Variants in MAGI3 observed in about 807,000 individuals in gnomAD.
The protein encoded by MAGI3 is membrane-associated guanylate kinase, WW and PDZ domain-containing protein 3.
MAGI3 carries 43 observed loss-of-function variants against 121.8 expected under a neutral mutation model. The observed-to-expected ratio is 0.35, with a 90% confidence interval of 0.28 to 0.46. The LOEUF (loss-of-function observed/expected upper bound fraction) is 0.46, where lower values mean the gene tolerates loss of function less well. Among genes scored for constraint, MAGI3 ranks in the 20% least tolerant of loss-of-function variants. The pLI, the probability that MAGI3 is intolerant of heterozygous loss-of-function variation, is 1.00. For missense variants in MAGI3, 1,547 were observed against 1,797.3 expected (o/e 0.86, Z 2.52); for synonymous variants, 553 against 639.3 (o/e 0.86, Z 2.04).
At chr1:113,452,698 T>C (rs939695585) in intron 1 of MAGI3, among the ~76,000 whole-genome samples, 7 of 152,164 alleles carry the variant, frequency 4.6e-5, no homozygotes, top group Non-Finnish European at 1.0e-4. Context: ...TACTTTTTTC[T>C]CTGTTGACCT....
At chr1:113,483,632 A>G (rs1327889263) in intron 1 of MAGI3, among the ~76,000 whole-genome samples, 1 of 152,146 alleles carries the variant, frequency 6.6e-6, no homozygotes, top group Admixed American at 6.5e-5. Context: ...AGATGTTTAA[A>G]TTTTATTGTG....
intron 1 of MAGI3, among the ~76,000 whole-genome samples, chr1:113,542,462 C>T (rs1026154633): frequency 4.6e-5 from 7 of 152,164 alleles, no homozygotes; most frequent in Non-Finnish European, 1.0e-4. Context: ...TAACTGAAAC[C>T]GTGGAAGACA....
intron 7 of MAGI3, among the ~76,000 whole-genome samples, chr1:113,615,094 T>C (rs1331243281): frequency 6.6e-6 from 1 of 152,188 alleles, no homozygotes; most frequent in Non-Finnish European, 1.5e-5. Context: ...AAAGGTGTGC[T>C]CTCTTTTAAG....
At chr1:113,510,354 A>AG (rs1466961713) in intron 1 of MAGI3, among the ~76,000 whole-genome samples, 1 of 85,974 alleles carries the variant, frequency 1.2e-5, no homozygotes, top group Non-Finnish European at 2.3e-5. Context: ...CTAGGCCTTG[A>AG]CTTTTTTTTT....
chr1:113,572,694 G>T (rs915250473), intron 2 of MAGI3, among the ~76,000 whole-genome samples: 6 of 152,142 alleles, frequency 3.9e-5, no homozygotes, highest in African/African-American at 1.4e-4. Context: ...GGCATTTATG[G>T]TATTCTCTGA....
chr1:113,620,636 C>G (rs1650763251), intron 8 of MAGI3, among the ~76,000 whole-genome samples: 1 of 152,186 alleles, frequency 6.6e-6, no homozygotes. Context: ...ATCCCCAGTG[C>G]TTTGCTAGGC....
At chr1:113,550,501 A>G (rs962699772) in intron 2 of MAGI3, among the ~76,000 whole-genome samples, 1 of 151,938 alleles carries the variant, frequency 6.6e-6, no homozygotes, top group Non-Finnish European at 1.5e-5. Flanking sequence ...AGATTATATA[A>G]TCCCAGCACT....
At chr1:113,599,504 T>C (rs1649233875) in intron 6 of MAGI3, among the ~76,000 whole-genome samples, 1 of 152,008 alleles carries the variant, frequency 6.6e-6, no homozygotes, top group Non-Finnish European at 1.5e-5. Context: ...ACATACACCC[T>C]CCCAAGACTA....
chr1:113,648,475 G>A (rs1043181134), intron 12 of MAGI3, among the ~76,000 whole-genome samples: 3 of 148,310 alleles, frequency 2.0e-5, no homozygotes, highest in African/African-American at 7.5e-5. Flanking sequence ...GCAGTGGCAC[G>A]ATCTCAGTTC....
chr1:113,549,663 C>A, intron 2 of MAGI3, 32 bp downstream of exon 2: 4 of 1,198,526 alleles, frequency 3.3e-6, no homozygotes, highest in Non-Finnish European at 4.8e-6. Flanking sequence ...AGAACTGAAG[C>A]AGAAATGTCC....
intron 1 of MAGI3, among the ~76,000 whole-genome samples, chr1:113,457,265 T>G (rs1311429205): frequency 1.3e-5 from 2 of 152,212 alleles, no homozygotes; most frequent in Non-Finnish European, 2.9e-5. Context: ...TGGCAGGTTT[T>G]CATTTGCTTG....
At chr1:113,495,285 T>C (rs1044921129) in intron 1 of MAGI3, among the ~76,000 whole-genome samples, 2 of 152,104 alleles carry the variant, frequency 1.3e-5, no homozygotes, top group Non-Finnish European at 2.9e-5. Context: ...TATACTGTTA[T>C]ATAATTCAGG....
At position 113,659,241 on chromosome 1, in the gene MAGI3, A is replaced by G. The variant is rs761050246; in HGVS notation, c.2791A>G (p.Thr931Ala). The stretch of plus-strand genomic sequence containing the variant: ...GATCAAAGATGCTGGTGTCACCGTC[A>G]CACTAACGGTCATTGCTGAAGAAGG... Reference protein sequence around the residue: ...QLIKDAGVTVTLTVIAEEEHH... With the variant: ...QLIKDAGVTVALTVIAEEEHH... The change falls in exon 16 of 21, where the codon ACA becomes GCA. Residue 931 changes from threonine (T) to alanine (A), a missense_variant. Coordinates refer to ENST00000307546, the MANE Select transcript of MAGI3 (RefSeq NM_001142782.2). The G allele has an allele frequency of 5.0e-6, 8 of 1,613,840 alleles. No individual in the cohort carries two copies. Among genetic ancestry groups the G allele is most frequent in the Non-Finnish European group, 6.8e-6 (8 of 1,179,912 alleles).
intron 6 of MAGI3, among the ~76,000 whole-genome samples, chr1:113,610,889 A>T (rs1650088403): frequency 6.6e-6 from 1 of 151,854 alleles, no homozygotes; most frequent in Admixed American, 6.6e-5. Flanking sequence ...AGCTGAGATC[A>T]TGCCATTGCA....
intron 1 of MAGI3, among the ~76,000 whole-genome samples, chr1:113,428,960 A>G (rs150183223): frequency 1.3e-3 from 199 of 152,338 alleles, no homozygotes; most frequent in Admixed American, 2.7e-3. Context: ...TACACTAGCT[A>G]CATTTTAGGT....
chr1:113,392,423 G>A (rs1233537667), intron 1 of MAGI3, among the ~76,000 whole-genome samples: 1 of 152,198 alleles, frequency 6.6e-6, no homozygotes, highest in Non-Finnish European at 1.5e-5. Context: ...ATGGCAAAAT[G>A]CTAGAAAATT....
At chr1:113,448,849 G>A (rs1354946227) in intron 1 of MAGI3, among the ~76,000 whole-genome samples, 1 of 152,186 alleles carries the variant, frequency 6.6e-6, no homozygotes, top group Non-Finnish European at 1.5e-5. Context: ...GCCGGGCACA[G>A]TGGATCACGC....
At chr1:113,475,966 G>C (rs1655797529) in intron 1 of MAGI3, among the ~76,000 whole-genome samples, 1 of 152,178 alleles carries the variant, frequency 6.6e-6, no homozygotes, top group African/African-American at 2.4e-5. Flanking sequence ...GAGGGTGTAT[G>C]TGTCCAGGAA....
At chr1:113,451,278 T>G (rs1654470775) in intron 1 of MAGI3, among the ~76,000 whole-genome samples, 1 of 152,210 alleles carries the variant, frequency 6.6e-6, no homozygotes, top group African/African-American at 2.4e-5. Context: ...CCTGTAAAAT[T>G]GATCTCATCG....
Sources: allele counts gnomAD v4.1 joint callset (sites outside exome capture counted in the v4.1 genomes callset), GRCh38; gene constraint gnomAD v4.1.1; transcripts MANE v1.5; gene names NCBI Gene and HGNC (gene_info 2026-07-23, HGNC 2026-07-21).